CSTA: variants seen among roughly 807,000 people sequenced by gnomAD.
CSTA encodes cystatin A, also known as cystatin-A.
CSTA carries 9 observed loss-of-function variants against 9.2 expected under a neutral mutation model. The ratio of observed to expected loss-of-function variants is 0.97; its 90% confidence interval spans 0.59 to 1.70. CSTA has a LOEUF of 1.70. Among genes scored for constraint, CSTA ranks in the 40% most tolerant of loss-of-function variants. The pLI is 0.00. For missense variants in CSTA, 118 were observed against 113.1 expected, an observed-to-expected ratio of 1.04 and a Z score of -0.20; for synonymous variants, 36 against 40.6, an observed-to-expected ratio of 0.89 and a Z score of 0.43.
At chr3:122,329,808 T>C (rs1003069416) in intron 1 of CSTA, among the ~76,000 whole-genome samples, 5 of 152,248 alleles carry the variant, frequency 3.3e-5, no homozygotes, top group African/African-American at 9.6e-5. Flanking sequence ...TCACAGGTTT[T>C]GGACCAGAAA....
At chr3:122,327,095 G>A (rs988587882) in intron 1 of CSTA, among the ~76,000 whole-genome samples, 6 of 151,818 alleles carry the variant, frequency 4.0e-5, no homozygotes, top group Middle Eastern at 3.4e-3. Flanking sequence ...AAAATTAGCC[G>A]AGCATGGTGG....
In CSTA at chr3:122,341,448, G is replaced by A. The variant is rs778571657; in HGVS notation, c.178G>A (p.Gly60Ser). The A allele has an allele frequency of 6.2e-6, 10 of 1,613,796 alleles. No homozygotes were observed. Among genetic ancestry groups the A allele is most frequent in the Non-Finnish European group, 2.5e-6 (3 of 1,179,904 alleles). The change falls in exon 3 of 3, where the codon GGT (glycine) becomes AGT (serine). Residue 60 changes from glycine (G) to serine (S), a missense_variant. By Grantham distance (56) the Gly-to-Ser change is moderately conservative. Transcript: ENST00000264474. ...GTNYYIKVRAGDNKYMHLKVF... is the reference protein window; with the variant it reads ...GTNYYIKVRASDNKYMHLKVF... ...CTTTAATATTTTTCAGGTACGAGCAGGTGATAATAAATATATGCACTTGAA... is the reference window on the plus strand; with the variant it reads ...CTTTAATATTTTTCAGGTACGAGCAAGTGATAATAAATATATGCACTTGAA...
chr3:122,335,205 C>A (rs181635674), intron 1 of CSTA, among the ~76,000 whole-genome samples: 1 of 152,296 alleles, frequency 6.6e-6, no homozygotes, highest in East Asian at 1.9e-4. Flanking sequence ...TAAACCCAAC[C>A]CATATCCCTC....
intron 2 of CSTA, among the ~76,000 whole-genome samples, chr3:122,339,295 A>C (rs1330617276): frequency 6.6e-6 from 1 of 152,230 alleles, no homozygotes; most frequent in Non-Finnish European, 1.5e-5. Context: ...GGAATAAATA[A>C]GCTGGAAATT....
chr3:122,329,129 CT>C (rs1487979969), intron 1 of CSTA, among the ~76,000 whole-genome samples: 4 of 151,436 alleles, frequency 2.6e-5, no homozygotes, highest in Non-Finnish European at 4.4e-5. Context: ...CCATGCCTGG[CT>C]AATTTTTTGT....
chr3:122,334,810 A>G (rs1240497626), intron 1 of CSTA, among the ~76,000 whole-genome samples: 1 of 152,234 alleles, frequency 6.6e-6, no homozygotes, highest in Non-Finnish European at 1.5e-5. Flanking sequence ...CAGTCTAAAC[A>G]GAAGCTAAGC....
chr3:122,330,068 G>C (rs1182443680), intron 1 of CSTA, among the ~76,000 whole-genome samples: 1 of 152,160 alleles, frequency 6.6e-6, no homozygotes, highest in East Asian at 1.9e-4. Context: ...CCAAGAGGCA[G>C]GTATTATTAT....
intron 1 of CSTA, among the ~76,000 whole-genome samples, chr3:122,336,155 A>G (rs2075236304): frequency 6.6e-6 from 1 of 152,200 alleles, no homozygotes; most frequent in Admixed American, 6.5e-5. Flanking sequence ...AATGACATTT[A>G]GTAACAAGAG....
At chr3:122,341,969 A>AGT (rs35225251), downstream of CSTA, 1,337 of 198,040 alleles carry the variant, frequency 6.8e-3, 8 homozygotes, top group African/African-American at 0.013. Flanking sequence ...TATTTTACAA[A>AGT]GTGTGTGTGT....
intron 1 of CSTA, among the ~76,000 whole-genome samples, chr3:122,331,005 G>A (rs754198205): frequency 6.6e-6 from 1 of 151,888 alleles, no homozygotes; most frequent in Non-Finnish European, 1.5e-5. Flanking sequence ...TAAGCATTTT[G>A]ATGAGAATTG....
chr3:122,332,045 G>A (rs1185894685), intron 1 of CSTA, among the ~76,000 whole-genome samples: 1 of 152,194 alleles, frequency 6.6e-6, no homozygotes, highest in African/African-American at 2.4e-5. Context: ...TAATCTGACA[G>A]GAGGCGGAGC....
At position 122,333,696 on chromosome 3, in the gene CSTA, GAGAA is replaced by G. The variant is rs1158641350; in HGVS notation, c.67-3841_67-3838del. Among the ~76,000 whole-genome samples the G allele has an allele frequency of 3.7e-3, 542 of 144,756 alleles. 1 individual carries two copies. Among genetic ancestry groups the G allele is most frequent in the African/African-American group, 0.013 (520 of 39,628 alleles). The allele number at this position is 144,756 out of a possible 152,430, so 95.0% of individuals were successfully genotyped here. The stretch of plus-strand genomic sequence containing the variant: ...GAAAGAAAGAAGAAAGAAAGAGAGA[GAGAA>G]AGAAAGAAAAAGAAAGAAAGAGAAA... On this transcript the variant is annotated intron_variant, in intron 1 of 2. Coordinates refer to ENST00000264474, the MANE Select transcript of CSTA (RefSeq NM_005213.4).
At chr3:122,334,854 A>T (rs1367834494) in intron 1 of CSTA, among the ~76,000 whole-genome samples, 4 of 152,220 alleles carry the variant, frequency 2.6e-5, no homozygotes, top group Admixed American at 2.6e-4. Context: ...AGAAGCAAGC[A>T]GATTCACACT....
At chr3:122,329,913 A>T (rs1298679964) in intron 1 of CSTA, among the ~76,000 whole-genome samples, 1 of 152,186 alleles carries the variant, frequency 6.6e-6, no homozygotes, top group African/African-American at 2.4e-5. Context: ...CCCAATTATC[A>T]CTTATCTGCC....
chr3:122,329,463 G>A (rs2075191088), intron 1 of CSTA, among the ~76,000 whole-genome samples: 1 of 152,120 alleles, frequency 6.6e-6, no homozygotes, highest in African/African-American at 2.4e-5. Context: ...CTACTTGGGA[G>A]GCTTAGGTGA....
chr3:122,327,405 T>A (rs2075177081), intron 1 of CSTA, among the ~76,000 whole-genome samples: 1 of 151,688 alleles, frequency 6.6e-6, no homozygotes, highest in Non-Finnish European at 1.5e-5. Flanking sequence ...GGCGGGCGCC[T>A]GTAGTCCCAG....
chr3:122,327,828 C>A (rs563693959), intron 1 of CSTA, among the ~76,000 whole-genome samples: 1 of 152,152 alleles, frequency 6.6e-6, no homozygotes, highest in Non-Finnish European at 1.5e-5. Context: ...AGAGACAGTA[C>A]AGAAAATTTT....
intron 1 of CSTA, 41 bp downstream of exon 1, chr3:122,325,399 T>C (rs982372285): frequency 1.9e-6 from 3 of 1,586,444 alleles, no homozygotes; most frequent in Non-Finnish European, 2.6e-6. Context: ...AGCCAAAATC[T>C]TGATTCATAA....
chr3:122,341,372 C>T (rs918525990), intron 2 of CSTA, 67 bp from the exon 3 acceptor site: 10 of 1,572,658 alleles, frequency 6.4e-6, no homozygotes, highest in Non-Finnish European at 8.7e-6. Flanking sequence ...ACCTGTGGCT[C>T]TCTCACTTGA....
Sources: gnomAD v4.1 joint callset for allele counts (sites outside exome capture counted in the v4.1 genomes callset) on GRCh38, gnomAD v4.1.1 for gene constraint, MANE v1.5 for transcripts, NCBI Gene and HGNC (gene_info 2026-07-23, HGNC 2026-07-21) for gene names.